Variants in NUDT21 observed in about 807,000 individuals in gnomAD.
NUDT21 encodes cleavage and polyadenylation specificity factor subunit 5.
A neutral mutation model predicts 29.8 loss-of-function variants in NUDT21; 5 were observed. The observed-to-expected ratio is 0.17, with a 90% CI of 0.09 to 0.35. The LOEUF is 0.35. Among genes scored for constraint, NUDT21 ranks in the 10% least tolerant of loss-of-function variants. NUDT21 has a pLI of 1.00. For synonymous variants in NUDT21, 113 were observed against 98.5 expected (o/e 1.15, Z -0.87); for missense variants, 76 against 276.0 (o/e 0.28, Z 5.13).
intron 4 of NUDT21, among the ~76,000 whole-genome samples, chr16:56,437,162 T>A (rs1962113083): frequency 6.6e-6 from 1 of 152,222 alleles, no homozygotes; most frequent in Non-Finnish European, 1.5e-5. Flanking sequence ...AGCCCCTATC[T>A]TCTTGTCCCT....
chr16:56,435,634 G>A (rs1351999580), intron 4 of NUDT21, among the ~76,000 whole-genome samples: 1 of 145,416 alleles, frequency 6.9e-6, no homozygotes, highest in African/African-American at 2.5e-5. Flanking sequence ...GCTGAGGCAG[G>A]AGAATGGCGT....
At chr16:56,442,919 T>C (rs909012294) in intron 3 of NUDT21, among the ~76,000 whole-genome samples, 14 of 152,346 alleles carry the variant, frequency 9.2e-5, no homozygotes, top group Non-Finnish European at 1.5e-4. Context: ...AGGTTTTTCT[T>C]GGCTAAAATG....
At chr16:56,437,694 A>G (rs772237860) in intron 4 of NUDT21, among the ~76,000 whole-genome samples, 26 of 152,160 alleles carry the variant, frequency 1.7e-4, no homozygotes, top group Admixed American at 5.2e-4. Flanking sequence ...AAAAAGATCA[A>G]TAACATGCCC....
chr16:56,432,791 T>C, intron 6 of NUDT21, 58 bp from the exon 7 acceptor site: 1 of 1,287,892 alleles, frequency 7.8e-7, no homozygotes. Flanking sequence ...CTTTCCATAT[T>C]AGATAAATAA....
At chr16:56,450,341 T>C (rs1447784344) in intron 1 of NUDT21, among the ~76,000 whole-genome samples, 3 of 152,238 alleles carry the variant, frequency 2.0e-5, no homozygotes, top group African/African-American at 4.8e-5. Flanking sequence ...TGCAATGGTT[T>C]GAAGTGTTGA....
intron 3 of NUDT21, among the ~76,000 whole-genome samples, chr16:56,441,445 G>C (rs1962158180): frequency 6.6e-6 from 1 of 151,920 alleles, no homozygotes; most frequent in Non-Finnish European, 1.5e-5. Flanking sequence ...ATGTTGGCCA[G>C]GATGGTCTCG....
chr16:56,449,441 T>G (rs930258999), intron 1 of NUDT21, among the ~76,000 whole-genome samples: 3 of 152,212 alleles, frequency 2.0e-5, no homozygotes, highest in African/African-American at 7.2e-5. Flanking sequence ...TAAAATATAC[T>G]GGGGGAGAGG....
At chr16:56,443,579 G>A (rs1424304954) in intron 3 of NUDT21, among the ~76,000 whole-genome samples, 1 of 152,200 alleles carries the variant, frequency 6.6e-6, no homozygotes, top group Non-Finnish European at 1.5e-5. Flanking sequence ...TGACAGTGTT[G>A]GCAGGCAGGG....
chr16:56,434,895 C>T (rs1962078490), intron 4 of NUDT21, 66 bp from the exon 5 acceptor site: 2 of 969,676 alleles, frequency 2.1e-6, no homozygotes, highest in Non-Finnish European at 3.3e-6. Context: ...CATGTTTACT[C>T]CCCAGTATAG....
rs1296331852 is a variant in NUDT21 at position 56,429,562 on chromosome 16, CAAATT to C, written c.*3145_*3149del. On this transcript the variant is annotated 3_prime_UTR_variant, in exon 7 of 7. Transcript: ENST00000300291. Reference sequence around the variant, plus strand: ...TTAAAATGTGTTTTATGGCTCAAATCAAATTACAGTATTAGGTTTCTCATCACGAT... The same window carrying C: ...TTAAAATGTGTTTTATGGCTCAAATCACAGTATTAGGTTTCTCATCACGAT... 4 of 152,146 alleles carry C rather than the reference CAAATT, an allele frequency of 2.6e-5. No individual in the cohort carries two copies. Among genetic ancestry groups the C allele is most frequent in the African/African-American group, 9.7e-5 (4 of 41,434 alleles). 9.4% of individuals were successfully genotyped at this position (152,146 alleles called of 1,614,324 possible).
chr16:56,435,030 G>A (rs1369717809), intron 4 of NUDT21: 4 of 381,522 alleles, frequency 1.0e-5, no homozygotes, highest in Admixed American at 4.4e-5. Flanking sequence ...TCAACCATTC[G>A]AGATAAAATA....
chr16:56,434,633 A>G (rs955944703), intron 5 of NUDT21, 121 bp downstream of exon 5: 23 of 823,250 alleles, frequency 2.8e-5, no homozygotes, highest in Non-Finnish European at 4.5e-5. Flanking sequence ...CATGGTATAC[A>G]TCTTTAGTTT....
intron 3 of NUDT21, among the ~76,000 whole-genome samples, chr16:56,444,293 T>A (rs910705067): frequency 6.6e-6 from 1 of 151,540 alleles, no homozygotes; most frequent in Non-Finnish European, 1.5e-5. Flanking sequence ...CTAAAAAAAA[T>A]AAGTAAGCCT....
At position 56,430,692 on chromosome 16, in the gene NUDT21, T is replaced by C. The variant is rs1405002629; in HGVS notation, c.*2020A>G. 6.6e-6 allele frequency: 1 copy of C among 152,218 alleles called. No individual in the cohort carries two copies. Among genetic ancestry groups the C allele is most frequent in the African/African-American group, 2.4e-5 (1 of 41,456 alleles). The allele number at this position is 152,218 out of a possible 1,614,324, so 9.4% of individuals were successfully genotyped here. On this transcript the variant is annotated 3_prime_UTR_variant, in exon 7 of 7. Transcript: ENST00000300291. ...CATCAGAAAACCAAAAACAGATTATTGGGGATCCACCTGTAACTGACCAGA... is the reference window on the plus strand; with the variant it reads ...CATCAGAAAACCAAAAACAGATTATCGGGGATCCACCTGTAACTGACCAGA...
rs1291958974 is a variant in NUDT21 at position 56,431,385 on chromosome 16, G to A, written c.*1327C>T. 6.6e-6 allele frequency: 1 copy of A among 152,082 alleles called. No homozygotes were observed. The highest frequency in any genetic ancestry group is 1.5e-5 in the Non-Finnish European group (1 of 68,010). 9.4% of individuals were successfully genotyped at this position (152,082 alleles called of 1,614,324 possible). On this transcript the variant is annotated 3_prime_UTR_variant, in exon 7 of 7. Transcript: ENST00000300291. Reference sequence around the variant, plus strand: ...GTCACTACTTAACCACCATGTGAGGGTTTGACATGACCCCAACTAAAAAAA... The same window carrying A: ...GTCACTACTTAACCACCATGTGAGGATTTGACATGACCCCAACTAAAAAAA...
chr16:56,448,571 G>A (rs1210956706), intron 1 of NUDT21, among the ~76,000 whole-genome samples: 1 of 152,042 alleles, frequency 6.6e-6, no homozygotes, highest in East Asian at 1.9e-4. Flanking sequence ...ACTAGCCTTT[G>A]GCATTTATTC....
At chr16:56,438,725 TCAA>T (rs146638061) in intron 4 of NUDT21, among the ~76,000 whole-genome samples, 3,237 of 152,016 alleles carry the variant, frequency 0.021, 77 homozygotes, top group Admixed American at 0.065. Context: ...AGCTACATAT[TCAA>T]CAACAACAGG....
At chr16:56,443,981 C>G (rs1408883821) in intron 3 of NUDT21, among the ~76,000 whole-genome samples, 1 of 152,188 alleles carries the variant, frequency 6.6e-6, no homozygotes, top group African/African-American at 2.4e-5. Flanking sequence ...AATTCCAACC[C>G]TCAGCCTGGG....
rs754174267 is a variant in NUDT21 at position 56,431,897 on chromosome 16, A to G, written c.*815T>C. 3 of 152,202 alleles carry G rather than the reference A, an allele frequency of 2.0e-5. No individual in the cohort carries two copies. The highest frequency in any genetic ancestry group is 4.8e-5 in the African/African-American group (2 of 41,448). The allele number at this position is 152,202 out of a possible 1,614,324, so 9.4% of individuals were successfully genotyped here. ...GTACACAACTTCAAGTTAATTGAATATTTGTGCAATCTCAGAGTTCAAAAC... is the reference window on the plus strand; with the variant it reads ...GTACACAACTTCAAGTTAATTGAATGTTTGTGCAATCTCAGAGTTCAAAAC... On this transcript the variant is annotated 3_prime_UTR_variant, in exon 7 of 7. Transcript: ENST00000300291.
Sources: gnomAD v4.1 joint callset for allele counts (sites outside exome capture counted in the v4.1 genomes callset) on GRCh38, gnomAD v4.1.1 for gene constraint, MANE v1.5 for transcripts, NCBI Gene and HGNC (gene_info 2026-07-23, HGNC 2026-07-21) for gene names.